Variants in TRPC4 observed in about 807,000 individuals in gnomAD.
TRPC4 encodes short transient receptor potential channel 4.
In TRPC4, 49 loss-of-function variants were observed where a neutral mutation model predicts 99.4. The ratio of observed to expected loss-of-function variants is 0.49; its 90% CI spans 0.39 to 0.63. The LOEUF is 0.63. Among genes scored for constraint, TRPC4 ranks in the 20% least tolerant of loss-of-function variants. TRPC4 has a pLI of 0.00. For missense variants in TRPC4, 898 were observed against 1,152.9 expected, an observed-to-expected ratio of 0.78 and a Z score of 3.20; for synonymous variants, 454 against 425.9, an observed-to-expected ratio of 1.07 and a Z score of -0.81.
chr13:37,792,723 T>TTGTGTGTG (rs57918365), intron 1 of TRPC4, among the ~76,000 whole-genome samples: 1,542 of 146,624 alleles, frequency 0.011, 28 homozygotes, highest in African/African-American at 0.035. Context: ...GCTTCTAAAT[T>TTGTGTGTG]TGTGTGTGTG....
At chr13:37,772,763 C>T (rs973499626) in intron 2 of TRPC4, among the ~76,000 whole-genome samples, 15 of 151,798 alleles carry the variant, frequency 9.9e-5, no homozygotes, top group South Asian at 6.2e-4. Flanking sequence ...ACATGGATGG[C>T]GGGATCTATT....
chr13:37,772,907 C>T lies in TRPC4; in HGVS notation c.378+10049G>A, dbSNP rs181552180. ...CTTGACATTAAATCTCCTACACTCT[C>T]GTGAATGTGCTGTTCTCGCCTCCCC... On this transcript the variant is annotated intron_variant, in intron 2 of 10. Transcript: ENST00000379705. Among the ~76,000 whole-genome samples, 391 of 151,794 alleles carry T rather than the reference C, an allele frequency of 2.6e-3. 1 individual carries two copies. Among genetic ancestry groups the T allele is most frequent in the African/African-American group, 8.9e-3 (368 of 41,466 alleles).
At chr13:37,650,612 T>C (rs796991231) in intron 8 of TRPC4, among the ~76,000 whole-genome samples, 29,847 of 140,682 alleles carry the variant, frequency 0.21, 3,507 homozygotes, top group Non-Finnish European at 0.25. Flanking sequence ...TCTCTCTCTA[T>C]ACACACACAC....
At chr13:37,746,928 T>G (rs1033805947) in intron 2 of TRPC4, among the ~76,000 whole-genome samples, 2 of 152,146 alleles carry the variant, frequency 1.3e-5, no homozygotes, top group Non-Finnish European at 2.9e-5. Context: ...TTTTGTTTGT[T>G]TTTACTGTGT....
chr13:37,656,083 A>ACAT (rs1437996148), intron 6 of TRPC4, among the ~76,000 whole-genome samples: 10 of 152,092 alleles, frequency 6.6e-5, no homozygotes, highest in Non-Finnish European at 1.3e-4. Context: ...ATTTCAAGGA[A>ACAT]CATTTTATTT....
At position 37,712,082 on chromosome 13, in the gene TRPC4, G is replaced by C. The variant is rs193201885; in HGVS notation, c.898-19747C>G. On this transcript the variant is annotated intron_variant, in intron 3 of 10. Coordinates refer to ENST00000379705, the MANE Select transcript of TRPC4 (RefSeq NM_016179.4). ...AATGCCTCATGTGGCTAGTGGCTACGATATTGGAAAAGGCAGTCCAAGTGT... is the reference window on the plus strand; with the variant it reads ...AATGCCTCATGTGGCTAGTGGCTACCATATTGGAAAAGGCAGTCCAAGTGT... 3.2e-3 allele frequency among the ~76,000 whole-genome samples: 483 copies of C among 152,068 alleles called. 3 individuals are homozygous for C. The highest frequency in any genetic ancestry group is 0.011 in the African/African-American group (469 of 41,516).
chr13:37,849,750 T>C (rs1243394180), intron 1 of TRPC4, among the ~76,000 whole-genome samples: 1 of 152,180 alleles, frequency 6.6e-6, no homozygotes, highest in Non-Finnish European at 1.5e-5. Flanking sequence ...ACCTAACTTT[T>C]ACTTGATCAG....
chr13:37,766,551 G>A (rs974532169), intron 2 of TRPC4, among the ~76,000 whole-genome samples: 1 of 151,406 alleles, frequency 6.6e-6, no homozygotes, highest in African/African-American at 2.4e-5. Flanking sequence ...GTGAAAAAAT[G>A]TGCTGGTCCA....
chr13:37,757,854 T>C (rs1197107002), intron 2 of TRPC4, among the ~76,000 whole-genome samples: 1 of 152,010 alleles, frequency 6.6e-6, no homozygotes, highest in Non-Finnish European at 1.5e-5. Flanking sequence ...GGTATTTGGT[T>C]AAAGTAATGA....
At position 37,635,629 on chromosome 13, in the gene TRPC4, T is replaced by G. The variant is rs911615326; in HGVS notation, c.*1274A>C. On this transcript the variant is annotated 3_prime_UTR_variant, in exon 11 of 11. Transcript: ENST00000379705. ...TGATTTGAAATAAATGCTAATTTTA[T>G]GTGGTGAAGAAACTTCCCGTAGTGG... Among the ~76,000 whole-genome samples, 2 of 152,140 alleles carry G rather than the reference T, an allele frequency of 1.3e-5. No individual in the cohort carries two copies. Among genetic ancestry groups the G allele is most frequent in the African/African-American group, 4.8e-5 (2 of 41,436 alleles).
chr13:37,730,282 T>C (rs1955201718), intron 3 of TRPC4, among the ~76,000 whole-genome samples: 1 of 152,050 alleles, frequency 6.6e-6, no homozygotes, highest in Admixed American at 6.6e-5. Context: ...TACTTACATA[T>C]ATATATATCA....
intron 5 of TRPC4, among the ~76,000 whole-genome samples, chr13:37,665,895 A>C (rs898758187): frequency 6.6e-6 from 1 of 151,398 alleles, no homozygotes; most frequent in African/African-American, 2.4e-5. Context: ...ATTTTTACAG[A>C]TTCTGCCCCA....
At chr13:37,855,632 TCACAA>T (rs1959166799) in intron 1 of TRPC4, among the ~76,000 whole-genome samples, 1 of 146,976 alleles carries the variant, frequency 6.8e-6, no homozygotes, top group Non-Finnish European at 1.5e-5. Flanking sequence ...ATAAGTTAAG[TCACAA>T]AACAAGTCTT....
rs74416515 is a variant in TRPC4 at position 37,805,643 on chromosome 13, T to C, written c.-27-22283A>G. On this transcript the variant is annotated intron_variant, in intron 1 of 10. Coordinates refer to ENST00000379705, the MANE Select transcript of TRPC4 (RefSeq NM_016179.4). ...ATGTTTCACACTATTTGGAAGAATA[T>C]GCTTTTTTGTCTTGGATGTAAACTA... Among the ~76,000 whole-genome samples the C allele has an allele frequency of 1.8e-3, 274 of 152,118 alleles. 4 individuals are homozygous for C. The East Asian group carries it at 0.05, about 28-fold the overall frequency.
At chr13:37,689,336 A>C (rs1953602982) in intron 4 of TRPC4, among the ~76,000 whole-genome samples, 1 of 152,150 alleles carries the variant, frequency 6.6e-6, no homozygotes, top group South Asian at 2.1e-4. Flanking sequence ...AACATAGCAC[A>C]CACCCCTTAT....
chr13:37,740,794 T>C (rs1955563917), intron 3 of TRPC4, among the ~76,000 whole-genome samples: 1 of 152,194 alleles, frequency 6.6e-6, no homozygotes, highest in Non-Finnish European at 1.5e-5. Context: ...TTGTGGAACA[T>C]TTTGAATCAA....
intron 3 of TRPC4, among the ~76,000 whole-genome samples, chr13:37,740,854 C>T (rs975700088): frequency 6.6e-6 from 1 of 152,174 alleles, no homozygotes; most frequent in African/African-American, 2.4e-5. Flanking sequence ...AATCTCTTCA[C>T]ATTTTCTCCA....
chr13:37,660,226 A>T (rs1952383793), intron 6 of TRPC4, among the ~76,000 whole-genome samples: 1 of 152,228 alleles, frequency 6.6e-6, no homozygotes, highest in African/African-American at 2.4e-5. Flanking sequence ...AGGCTAGAGA[A>T]GTAAGATTTG....
chr13:37,837,536 G>A (rs1436044728), intron 1 of TRPC4, among the ~76,000 whole-genome samples: 2 of 152,218 alleles, frequency 1.3e-5, no homozygotes, highest in Non-Finnish European at 2.9e-5. Flanking sequence ...CTGGATTTCA[G>A]ACTTGCATGG....
Sources: allele counts gnomAD v4.1 joint callset (sites outside exome capture counted in the v4.1 genomes callset), GRCh38; gene constraint gnomAD v4.1.1; transcripts MANE v1.5; gene names NCBI Gene and HGNC (gene_info 2026-07-23, HGNC 2026-07-21).